Variants in MS4A14 observed in about 807,000 individuals in gnomAD.
MS4A14 encodes the protein membrane-spanning 4-domains subfamily A member 14.
In MS4A14, 18 loss-of-function variants were observed where a neutral mutation model predicts 16.7. That is an observed-to-expected ratio of 1.08 (90% CI 0.75 to 1.60). The LOEUF (loss-of-function observed/expected upper bound fraction) is 1.60, where lower values mean the gene tolerates loss of function less well. Ranked by LOEUF, MS4A14 falls within the 40% of genes most tolerant of loss-of-function variation. MS4A14 has a pLI of 0.00. For missense variants in MS4A14, 812 were observed against 775.3 expected, an observed-to-expected ratio of 1.05 and a Z score of -0.56; for synonymous variants, 305 against 289.4, an observed-to-expected ratio of 1.05 and a Z score of -0.55.
chr11:60,398,905 A>G (rs1177253025), intron 2 of MS4A14, among the ~76,000 whole-genome samples: 1 of 152,098 alleles, frequency 6.6e-6, no homozygotes, highest in Non-Finnish European at 1.5e-5. Flanking sequence ...AAACAGACCA[A>G]CCCCTCACTT....
At chr11:60,405,854 T>C in intron 4 of MS4A14, 1 of 1,439,872 alleles carries the variant, frequency 6.9e-7, no homozygotes, top group Non-Finnish European at 9.4e-7. Context: ...CAGCTCTCAT[T>C]TCAAATACCA....
chr11:60,398,062 C>A, intron 2 of MS4A14, 82 bp downstream of exon 2: 1 of 1,488,364 alleles, frequency 6.7e-7, no homozygotes, highest in Non-Finnish European at 9.1e-7. Flanking sequence ...GTAATGAATT[C>A]CATAAATATG....
intron 4 of MS4A14, among the ~76,000 whole-genome samples, chr11:60,414,076 A>T (rs747149919): frequency 3.2e-4 from 48 of 152,136 alleles, no homozygotes; most frequent in Non-Finnish European, 6.6e-4. Flanking sequence ...ACTTTGGAAC[A>T]TTGTCTAGCA....
At position 60,417,352 on chromosome 11, in the gene MS4A14, C is replaced by T. The variant is rs1180703089; in HGVS notation, c.*344C>T. On this transcript the variant is annotated 3_prime_UTR_variant, in exon 5 of 5. Coordinates refer to ENST00000300187, the MANE Select transcript of MS4A14 (RefSeq NM_032597.5). ...CTTCTGGCCAAAGCTCAGTACAAGA[C>T]ACATGTTTAGCCTATTTGTCCAATC... 1 of 179,786 alleles carries T rather than the reference C, an allele frequency of 5.6e-6. No individual in the cohort carries two copies. Among genetic ancestry groups the T allele is most frequent in the Non-Finnish European group, 1.2e-5 (1 of 85,086 alleles). The allele number at this position is 179,786 out of a possible 1,614,324, so 11.1% of individuals were successfully genotyped here. A position where few individuals can be genotyped will look rare whatever the true frequency, so the allele number is the denominator to read the frequency against.
chr11:60,407,457 C>G (rs2085805115), intron 4 of MS4A14, among the ~76,000 whole-genome samples: 1 of 152,108 alleles, frequency 6.6e-6, no homozygotes, highest in Non-Finnish European at 1.5e-5. Flanking sequence ...GATTTGATTG[C>G]GAGATCGTAT....
At chr11:60,400,027 AG>A (rs1165948957) in intron 2 of MS4A14, among the ~76,000 whole-genome samples, 2 of 152,094 alleles carry the variant, frequency 1.3e-5, no homozygotes, top group Non-Finnish European at 2.9e-5. Context: ...CAGCCTTTAG[AG>A]GGGTCTTCCT....
At chr11:60,411,961 G>A (rs1209176621) in intron 4 of MS4A14, among the ~76,000 whole-genome samples, 1 of 151,926 alleles carries the variant, frequency 6.6e-6, no homozygotes, top group African/African-American at 2.4e-5. Context: ...TTTTATGAGA[G>A]GTTTTCTCAT....
chr11:60,403,164 C>A, intron 4 of MS4A14, 103 bp downstream of exon 4: 1 of 1,322,710 alleles, frequency 7.6e-7, no homozygotes, highest in Non-Finnish European at 1.1e-6. Flanking sequence ...GAAGTTGTGT[C>A]AGCATTTGAA....
At chr11:60,404,603 T>C (rs61898304) in intron 4 of MS4A14, 13,237 of 456,960 alleles carry the variant, frequency 0.029, 228 homozygotes, top group Non-Finnish European at 0.044. Context: ...CCTTAATGTG[T>C]CAAGTATCCA....
Position 60,416,335 on chromosome 11 carries a change from C to T in MS4A14, c.1367C>T (p.Ser456Leu). Reference protein sequence around the residue: ...EPQNQQILQMSYQDIRSEVME... With the variant: ...EPQNQQILQMLYQDIRSEVME... ...CAAAACCAGCAAATTTTACAAATGTCATATCAAGATATTAGATCAGAAGTT... is the reference window on the plus strand; with the variant it reads ...CAAAACCAGCAAATTTTACAAATGTTATATCAAGATATTAGATCAGAAGTT... Residue 456 changes from serine (S) to leucine (L), a missense_variant, in exon 5 of 5, where the codon TCA becomes TTA. Ser to Leu is a moderately radical substitution (Grantham distance 145, BLOSUM62 -2). Transcript: ENST00000300187. 2 of 1,613,976 alleles carry T rather than the reference C, an allele frequency of 1.2e-6. No individual in the cohort carries two copies. Among genetic ancestry groups the T allele is most frequent in the South Asian group, 2.2e-5 (2 of 91,076 alleles).
At chr11:60,402,754 A>T (rs1305401016) in intron 3 of MS4A14, among the ~76,000 whole-genome samples, 158 bp from the exon 4 acceptor site, 1 of 152,220 alleles carries the variant, frequency 6.6e-6, no homozygotes, top group Non-Finnish European at 1.5e-5. Flanking sequence ...TTAATGAGTT[A>T]GAATTTAGTT....
chr11:60,400,500 T>C (rs1399546073), intron 3 of MS4A14, 46 bp downstream of exon 3: 1 of 1,363,586 alleles, frequency 7.3e-7, no homozygotes, highest in East Asian at 2.4e-5. Flanking sequence ...CTATTTGTTT[T>C]ATATCATCTT....
chr11:60,403,017 C>T lies in MS4A14; in HGVS notation c.424C>T (p.Pro142Ser). 6.2e-7 allele frequency: 1 copy of T among 1,613,800 alleles called. No homozygotes were observed. The highest frequency in any genetic ancestry group is 1.3e-5 in the African/African-American group (1 of 75,010). ...ACATCAAGACAAGTACTGCCAGATGCCATCCTTTGAAGAAATATGTGTTTT... is the reference window on the plus strand; with the variant it reads ...ACATCAAGACAAGTACTGCCAGATGTCATCCTTTGAAGAAATATGTGTTTT... The part of the protein sequence containing the change: ...YRHQDKYCQM[P>S]SFEEICVFSR... Residue 142 changes from proline to serine, a missense_variant, in exon 4 of 5, where the codon CCA becomes TCA. By Grantham distance (74) the Pro-to-Ser change is moderately conservative. Transcript: ENST00000300187.
chr11:60,408,094 C>A (rs970761670), intron 4 of MS4A14, among the ~76,000 whole-genome samples: 1 of 152,138 alleles, frequency 6.6e-6, no homozygotes, highest in Non-Finnish European at 1.5e-5. Context: ...TAATGCACAT[C>A]CCCCCTCATG....
intron 4 of MS4A14, 22 bp downstream of exon 4, chr11:60,403,083 G>T: frequency 6.2e-7 from 1 of 1,609,204 alleles, no homozygotes; most frequent in South Asian, 1.1e-5. Flanking sequence ...TATTTTGCAT[G>T]AAGAATCCCT....
At chr11:60,402,740 G>C (rs2085732306) in intron 3 of MS4A14, among the ~76,000 whole-genome samples, 172 bp from the exon 4 acceptor site, 1 of 152,134 alleles carries the variant, frequency 6.6e-6, no homozygotes, top group Non-Finnish European at 1.5e-5. Flanking sequence ...TTTGTCTTCT[G>C]ACTTTAATGA....
chr11:60,403,941 A>G (rs943810449), intron 4 of MS4A14, among the ~76,000 whole-genome samples: 1 of 152,224 alleles, frequency 6.6e-6, no homozygotes, highest in African/African-American at 2.4e-5. Flanking sequence ...CACTCAGTGA[A>G]ATGGTCCCAG....
Position 60,416,337 on chromosome 11 carries a change from T to C in MS4A14, c.1369T>C (p.Tyr457His), listed in dbSNP as rs1172619775. The C allele has an allele frequency of 6.2e-7, 1 of 1,613,982 alleles. No homozygotes were observed. Among genetic ancestry groups the C allele is most frequent in the Non-Finnish European group, 8.5e-7 (1 of 1,179,952 alleles). ...PQNQQILQMS[Y>H]QDIRSEVMEE... The stretch of plus-strand genomic sequence containing the variant: ...AAACCAGCAAATTTTACAAATGTCA[T>C]ATCAAGATATTAGATCAGAAGTTAT... Residue 457 changes from tyrosine to histidine, a missense_variant, in exon 5 of 5, where the codon TAT (tyrosine) becomes CAT (histidine). By Grantham distance (83) the Tyr-to-His change is moderately conservative. Coordinates refer to ENST00000300187, the MANE Select transcript of MS4A14 (RefSeq NM_032597.5).
Position 60,415,569 on chromosome 11 carries a change from A to T in MS4A14, c.601A>T (p.Ile201Phe), listed in dbSNP as rs116626186. The change falls in exon 5 of 5, where the codon ATC becomes TTC. Residue 201 changes from isoleucine (I) to phenylalanine (F), a missense_variant. Ile to Phe is a conservative substitution (Grantham distance 21). Transcript: ENST00000300187. ...DDSTTNAQSV[I>F]FGGYAFFKLT... Reference sequence around the variant, plus strand: ...TTCAACAACAAATGCACAATCTGTTATCTTTGGAGGCTATGCTTTCTTCAA... The same window carrying T: ...TTCAACAACAAATGCACAATCTGTTTTCTTTGGAGGCTATGCTTTCTTCAA... 2.5e-3 allele frequency: 4,075 copies of T among 1,613,784 alleles called. 53 individuals carry two copies. Among genetic ancestry groups the T allele is most frequent in the African/African-American group, 0.024 (1,810 of 75,010 alleles).
Sources: allele counts gnomAD v4.1 joint callset (sites outside exome capture counted in the v4.1 genomes callset), GRCh38; gene constraint gnomAD v4.1.1; transcripts MANE v1.5; gene names NCBI Gene and HGNC (gene_info 2026-07-23, HGNC 2026-07-21).